Variants in GNA14 observed in about 807,000 individuals in gnomAD.
GNA14 encodes the protein G protein subunit alpha 14.
Under a neutral mutation model 42.0 loss-of-function variants are expected in GNA14, and 50 were observed. That is an observed-to-expected ratio of 1.19 (90% confidence interval 0.95 to 1.51). GNA14 has a LOEUF of 1.51. GNA14 is among the 40% of genes most tolerant of loss of function. The pLI, the probability that GNA14 is intolerant of heterozygous loss-of-function variation, is 0.00. For synonymous variants in GNA14, 173 were observed against 163.1 expected (o/e 1.06, Z -0.46); for missense variants, 473 against 446.2 (o/e 1.06, Z -0.54).
intron 2 of GNA14, among the ~76,000 whole-genome samples, chr9:77,498,277 G>A (rs1475548850): frequency 6.6e-6 from 1 of 151,336 alleles, no homozygotes; most frequent in Non-Finnish European, 1.5e-5. Context: ...GGAGGCTGAG[G>A]TGGGAGAATC....
At chr9:77,528,790 C>G (rs191960338) in intron 2 of GNA14, among the ~76,000 whole-genome samples, 1 of 152,304 alleles carries the variant, frequency 6.6e-6, no homozygotes, top group East Asian at 1.9e-4. Context: ...AAATGTATGA[C>G]TTCCTTTTCT....
chr9:77,635,913 G>A (rs1168169215), intron 1 of GNA14, among the ~76,000 whole-genome samples: 1 of 152,138 alleles, frequency 6.6e-6, no homozygotes, highest in Non-Finnish European at 1.5e-5. Flanking sequence ...AACACTGTAG[G>A]AAGGAACCAA....
At chr9:77,449,594 C>T (rs1835872748) in intron 2 of GNA14, among the ~76,000 whole-genome samples, 1 of 152,194 alleles carries the variant, frequency 6.6e-6, no homozygotes, top group African/African-American at 2.4e-5. Flanking sequence ...ACAGTCCCTA[C>T]ATTCTCCCTG....
intron 2 of GNA14, among the ~76,000 whole-genome samples, chr9:77,501,138 A>G (rs1472348245): frequency 6.6e-6 from 1 of 152,146 alleles, no homozygotes; most frequent in African/African-American, 2.4e-5. Context: ...TATTTTTAGT[A>G]GAGATGGGGT....
intron 2 of GNA14, among the ~76,000 whole-genome samples, chr9:77,457,776 A>G (rs1182415962): frequency 6.6e-6 from 1 of 152,196 alleles, no homozygotes; most frequent in Non-Finnish European, 1.5e-5. Context: ...ATTCAAGTCT[A>G]GTTTTGTAGT....
At chr9:77,439,760 T>C (rs1419571232) in intron 2 of GNA14, among the ~76,000 whole-genome samples, 1 of 152,232 alleles carries the variant, frequency 6.6e-6, no homozygotes, top group African/African-American at 2.4e-5. Flanking sequence ...ACAACCTCTA[T>C]GGCACCTGCA....
chr9:77,647,819 G>C lies in GNA14; in HGVS notation c.-26C>G. 6.3e-7 allele frequency: 1 copy of C among 1,598,406 alleles called. No homozygotes were observed. The highest frequency in any genetic ancestry group is 2.3e-5 in the East Asian group (1 of 44,438). On this transcript the variant is annotated 5_prime_UTR_variant, in exon 1 of 7. Transcript: ENST00000341700. The stretch of plus-strand genomic sequence containing the variant: ...GGTGCGCTCAGCTCAGTACCCGACG[G>C]GGCGACGCGGCCCCGGGCACCCGAA...
rs368243712 is a variant in GNA14, at chr9:77,529,103, G to A, written c.275C>T (p.Thr92Met). 33 of 1,614,110 alleles carry A rather than the reference G, an allele frequency of 2.0e-5. No homozygotes were observed. The African/African-American group carries it at 2.3e-4, about 11-fold the overall frequency. Reference sequence around the variant, plus strand: ...TTCACACACATACTGTATCCTTAGCGTGTCCATCGCTCTGATCATGGCTTG... The same window carrying A: ...TTCACACACATACTGTATCCTTAGCATGTCCATCGCTCTGATCATGGCTTG... ...AMQAMIRAMD[T>M]LRIQYVCEQN... The change falls in exon 2 of 7, where the codon ACG becomes ATG. Residue 92 changes from threonine to methionine, a missense_variant. Transcript: ENST00000341700.
chr9:77,601,479 A>C, intron 1 of GNA14, among the ~76,000 whole-genome samples: 1 of 152,228 alleles, frequency 6.6e-6, no homozygotes, highest in African/African-American at 2.4e-5. Context: ...TTTAGGAATG[A>C]AGAGTTCCAG....
At chr9:77,467,000 GGTGTGTGT>G (rs59321037) in intron 2 of GNA14, among the ~76,000 whole-genome samples, 9,890 of 143,582 alleles carry the variant, frequency 0.069, 878 homozygotes, top group African/African-American at 0.21. Context: ...TTTACCACTC[GGTGTGTGT>G]GTGTGTGTGT....
intron 1 of GNA14, among the ~76,000 whole-genome samples, chr9:77,647,418 TTAAG>T (rs1824374668): frequency 2.0e-5 from 3 of 151,368 alleles, no homozygotes; most frequent in Non-Finnish European, 2.9e-5. Context: ...GGTCAAGAGG[TTAAG>T]TGTTACAGGT....
intron 2 of GNA14, among the ~76,000 whole-genome samples, chr9:77,512,750 A>T (rs1309605205): frequency 6.6e-6 from 1 of 152,168 alleles, no homozygotes; most frequent in Non-Finnish European, 1.5e-5. Context: ...CGTTCTTTTT[A>T]AAAATTTAAG....
intron 1 of GNA14, among the ~76,000 whole-genome samples, chr9:77,543,855 T>C (rs1418442263): frequency 6.6e-6 from 1 of 152,216 alleles, no homozygotes; most frequent in Non-Finnish European, 1.5e-5. Flanking sequence ...AGGTGTGTAC[T>C]AGCTGCATCT....
intron 2 of GNA14, among the ~76,000 whole-genome samples, chr9:77,488,446 A>G (rs1020017892): frequency 6.6e-6 from 1 of 152,196 alleles, no homozygotes; most frequent in African/African-American, 2.4e-5. Flanking sequence ...AGCCAGAAAC[A>G]AAGCAGGGAG....
intron 1 of GNA14, among the ~76,000 whole-genome samples, chr9:77,586,062 C>T (rs944075311): frequency 5.3e-5 from 8 of 152,028 alleles, no homozygotes; most frequent in African/African-American, 1.5e-4. Context: ...CAAACACTCC[C>T]CAGGCTACAA....
At chr9:77,616,972 C>A (rs1823832335) in intron 1 of GNA14, among the ~76,000 whole-genome samples, 1 of 152,114 alleles carries the variant, frequency 6.6e-6, no homozygotes, top group Non-Finnish European at 1.5e-5. Flanking sequence ...CGGGTTCACG[C>A]CATTCTCCTG....
intron 1 of GNA14, among the ~76,000 whole-genome samples, chr9:77,574,280 G>A (rs960320264): frequency 6.6e-6 from 1 of 152,220 alleles, no homozygotes; most frequent in Admixed American, 6.5e-5. Context: ...GGTATTTCAA[G>A]TGTGAAGAAA....
At chr9:77,549,632 T>C (rs146455681) in intron 1 of GNA14, among the ~76,000 whole-genome samples, 30 of 152,294 alleles carry the variant, frequency 2.0e-4, no homozygotes, top group Non-Finnish European at 2.6e-4. Flanking sequence ...AGAACAGACA[T>C]TCAAATGCTT....
intron 1 of GNA14, among the ~76,000 whole-genome samples, chr9:77,551,866 G>A (rs1247644845): frequency 2.0e-5 from 3 of 151,968 alleles, no homozygotes; most frequent in African/African-American, 7.2e-5. Context: ...TTGGCCAGGC[G>A]CGGTAGCTCA....
Sources: allele counts gnomAD v4.1 joint callset (sites outside exome capture counted in the v4.1 genomes callset), GRCh38; gene constraint gnomAD v4.1.1; transcripts MANE v1.5; gene names NCBI Gene and HGNC (gene_info 2026-07-23, HGNC 2026-07-21).